Variants in PPFIA4 observed in about 807,000 individuals in gnomAD.
The protein encoded by PPFIA4 is PPFI scaffold protein A4.
A neutral mutation model predicts 145.7 loss-of-function variants in PPFIA4; 98 were observed. The ratio of observed to expected loss-of-function variants is 0.67; its 90% CI spans 0.57 to 0.80. The LOEUF (loss-of-function observed/expected upper bound fraction) is 0.80, where lower values mean the gene tolerates loss of function less well. Ranked by LOEUF, PPFIA4 falls within the 30% of genes least tolerant of loss-of-function variation. The pLI is 0.00. For synonymous variants in PPFIA4, 628 were observed against 649.6 expected (o/e 0.97, Z 0.51); for missense variants, 1,457 against 1,632.7 (o/e 0.89, Z 1.85).
rs1659827800 is a variant in PPFIA4, at chr1:203,043,294, G to A, written c.235-103G>A. The A allele has an allele frequency of 1.0e-6, 1 of 971,598 alleles. No individual in the cohort carries two copies. Among genetic ancestry groups the A allele is most frequent in the Non-Finnish European group, 1.6e-6 (1 of 632,944 alleles). The allele number at this position is 971,598 out of a possible 1,614,324, so 60.2% of individuals were successfully genotyped here. ...ATTGGGATTTTGTGGGGGAGGTGGTGGAAGTAAGGGATGGGTGAGAGGATC... is the reference window on the plus strand; with the variant it reads ...ATTGGGATTTTGTGGGGGAGGTGGTAGAAGTAAGGGATGGGTGAGAGGATC... On this transcript the variant is annotated intron_variant, in intron 2 of 29. Transcript: ENST00000295706. This position sits in a 1 kb window ranked among gnomAD's most constrained non-coding sequence, Gnocchi z 4.4.
In PPFIA4 at chr1:203,045,538, G is replaced by A. The variant is rs1468807884; in HGVS notation, c.837G>A (p.Lys279=). 1 of 1,597,474 alleles carries A rather than the reference G, an allele frequency of 6.3e-7. No homozygotes were observed. Among genetic ancestry groups the A allele is most frequent in the Non-Finnish European group, 8.5e-7 (1 of 1,172,974 alleles). ...DLIKSEELSS[K]HQRDLREALA... is the part of the protein sequence containing the mutation. ...TCAAGTCGGAGGAGCTGAGCAGCAA[G>A]CATCAGCGGGACCTCCGGGAGGTGC... The change falls in exon 7 of 30, where the codon AAG becomes AAA. Residue 279 remains lysine, a synonymous_variant. Transcript: ENST00000295706.
At chr1:203,065,066 A>C (rs1240347989) in intron 25 of PPFIA4, among the ~76,000 whole-genome samples, 1 of 152,236 alleles carries the variant, frequency 6.6e-6, no homozygotes. Context: ...GAAATCTTAT[A>C]GAAAGTTAAA....
rs1553257057 is a variant in PPFIA4 at position 203,052,047 on chromosome 1, C to CCT, written c.1620+171_1620+172insTC. ...CCATCGTCAGCTGCAACAGCTGTGC[C>CCT]CCCCCCCCCGCTTGCCTTGGCCTCC... is the stretch of plus-strand genomic sequence containing the variant. On this transcript the variant is annotated intron_variant, in intron 14 of 29. Coordinates refer to ENST00000295706, the MANE Select transcript of PPFIA4 (RefSeq NM_001304331.2). 2.2e-5 allele frequency among the ~76,000 whole-genome samples: 3 copies of CCT among 133,788 alleles called. 1 individual carries two copies. The highest frequency in any genetic ancestry group is 4.9e-5 in the Non-Finnish European group (3 of 60,724). 87.8% of individuals were successfully genotyped at this position (133,788 alleles called of 152,430 possible).
At chr1:203,069,246 T>C (rs745600440) in intron 27 of PPFIA4, among the ~76,000 whole-genome samples, 1 of 152,258 alleles carries the variant, frequency 6.6e-6, no homozygotes. Flanking sequence ...AACCTATTTA[T>C]ATTTTTGGCC....
rs748336986 is a variant in PPFIA4 at position 203,048,554 on chromosome 1, G to A, written c.1225-29G>A. On this transcript the variant is annotated intron_variant, in intron 10 of 29. Coordinates refer to ENST00000295706, the MANE Select transcript of PPFIA4 (RefSeq NM_001304331.2). This position sits in a 1 kb window ranked among gnomAD's most constrained non-coding sequence, Gnocchi z 5.8. ...AGAGGGTGGTCCTCCCTGGGAGGGC[G>A]GCCTGGTGCGAGGCAGACGGCTGTG... The A allele has an allele frequency of 2.0e-5, 31 of 1,560,974 alleles. No homozygotes were observed. Among genetic ancestry groups the A allele is most frequent in the African/African-American group, 1.4e-4 (10 of 73,436 alleles).
chr1:203,037,186 C>G (rs756907660), intron 1 of PPFIA4: 2 of 379,346 alleles, frequency 5.3e-6, no homozygotes, highest in South Asian at 3.7e-5. Context: ...CATCAGTACT[C>G]TGGGGAGGGG....
chr1:203,063,432 T>C, intron 24 of PPFIA4: 1 of 186,574 alleles, frequency 5.4e-6, no homozygotes, highest in Non-Finnish European at 1.1e-5. Context: ...GCAGGTCCTC[T>C]GTAACACAGC....
Position 203,061,423 on chromosome 1 carries a change from GC to G in PPFIA4, c.2848-227del, listed in dbSNP as rs1335718853. 7.5e-6 allele frequency: 4 copies of G among 530,564 alleles called. No homozygotes were observed. The East Asian group carries it at 1.3e-4, about 17-fold the overall frequency. The allele number at this position is 530,564 out of a possible 1,614,324, so 32.9% of individuals were successfully genotyped here. ...GGCATCTTGCCTGGCTCCCAGTCAA[GC>G]CTGGGAGGTGTGTGTTTTTGCCACA... On this transcript the variant is annotated intron_variant, in intron 23 of 29. Coordinates refer to ENST00000295706, the MANE Select transcript of PPFIA4 (RefSeq NM_001304331.2).
chr1:203,056,355 C>T lies in PPFIA4; in HGVS notation c.2107-20C>T, dbSNP rs564870018. ...CGAGATCTCTCCCTCTATCCCCTGA[C>T]GGCTCCACTGTCTGTTCAGTCGCCA... is the stretch of plus-strand genomic sequence containing the variant. On this transcript the variant is annotated intron_variant, in intron 17 of 29. Transcript: ENST00000295706. The T allele has an allele frequency of 1.5e-4, 234 of 1,612,420 alleles. 1 individual carries two copies. The highest frequency in any genetic ancestry group is 3.3e-4 in the Middle Eastern group (2 of 6,040).
rs57892403 is a variant in PPFIA4 at position 203,032,430 on chromosome 1, T to TTTTTTTTTTTTG, written c.-400+5803_-400+5804insTTTTTTTTTGTT. 8.2e-3 allele frequency among the ~76,000 whole-genome samples: 1,146 copies of TTTTTTTTTTTTG among 139,416 alleles called. 23 individuals are homozygous for TTTTTTTTTTTTG. Among genetic ancestry groups the TTTTTTTTTTTTG allele is most frequent in the African/African-American group, 0.028 (1,068 of 37,572 alleles). 91.5% of individuals were successfully genotyped at this position (139,416 alleles called of 152,430 possible). ...CTTGTAGTTCTCCCTTCCCCGCTTT[T>TTTTTTTTTTTTG]TTGTTGTTGTTGTTGTTTTTGAAAT... is the stretch of plus-strand genomic sequence containing the variant. On this transcript the variant is annotated intron_variant, in intron 1 of 29. Coordinates refer to ENST00000295706, the MANE Select transcript of PPFIA4 (RefSeq NM_001304331.2).
intron 23 of PPFIA4, 27 bp downstream of exon 23, chr1:203,061,059 C>T: frequency 6.2e-7 from 1 of 1,609,320 alleles, no homozygotes; most frequent in Non-Finnish European, 8.5e-7. Flanking sequence ...GCCTTTGTCC[C>T]TGGGCCTGGG....
rs1246616395 is a variant in PPFIA4 at position 203,060,939 on chromosome 1, A to G, written c.2785-31A>G. 5.6e-6 allele frequency: 9 copies of G among 1,611,768 alleles called. No homozygotes were observed. Among genetic ancestry groups the G allele is most frequent in the Non-Finnish European group, 7.6e-6 (9 of 1,178,218 alleles). On this transcript the variant is annotated intron_variant, in intron 22 of 29. Transcript: ENST00000295706. This position sits in a 1 kb window ranked among gnomAD's most constrained non-coding sequence, Gnocchi z 4.8. ...ATGGGGATCCTGGGGACCCACACCCAGGACCAGCTAGGTTTCCTCTCTGCC... is the reference window on the plus strand; with the variant it reads ...ATGGGGATCCTGGGGACCCACACCCGGGACCAGCTAGGTTTCCTCTCTGCC...
At chr1:203,037,074 T>A (rs1231170422) in intron 1 of PPFIA4, 7 of 242,472 alleles carry the variant, frequency 2.9e-5, no homozygotes, top group African/African-American at 1.4e-4. Flanking sequence ...GGGCTGCGAG[T>A]GTGAGCTCTG....
chr1:203,037,819 C>T (rs1174941684), intron 1 of PPFIA4, among the ~76,000 whole-genome samples: 2 of 152,170 alleles, frequency 1.3e-5, no homozygotes, highest in African/African-American at 2.4e-5. Context: ...GAGTGGCACC[C>T]TGCACCTCTA....
rs772177131 is a variant in PPFIA4 at position 203,060,982 on chromosome 1, G to A, written c.2797G>A (p.Val933Ile). The A allele has an allele frequency of 1.7e-5, 28 of 1,613,912 alleles. No individual in the cohort carries two copies. The South Asian group carries it at 2.3e-4, about 13-fold the overall frequency. ...TCTCTGCCTGCAGTCTTCTGGGAAT[G>A]TCTGGGTCACCCATGAAGAGATGGA... ...PPTSRTSSGN[V>I]WVTHEEMETL... The change falls in exon 23 of 30, where the codon GTC becomes ATC. Residue 933 changes from valine to isoleucine, a missense_variant. Val to Ile is a conservative substitution (Grantham distance 29). Transcript: ENST00000295706. This position sits in a 1 kb window ranked among gnomAD's most constrained non-coding sequence, Gnocchi z 4.8.
chr1:203,071,167 G>T (rs1446298915), intron 27 of PPFIA4, among the ~76,000 whole-genome samples: 2 of 124,134 alleles, frequency 1.6e-5, no homozygotes, highest in East Asian at 4.4e-4. Flanking sequence ...TGCCAAGACT[G>T]CTATTTTTTT....
rs3795585 is a variant in PPFIA4 at position 203,077,067 on chromosome 1, A to G, written c.*677A>G. 0.59 allele frequency: 89,432 copies of G among 152,282 alleles called. 26,318 individuals are homozygous for G. Among genetic ancestry groups the G allele is most frequent in the South Asian group, 0.63 (3,026 of 4,824 alleles). 9.4% of individuals were successfully genotyped at this position (152,282 alleles called of 1,614,324 possible). A position where few individuals can be genotyped will look rare whatever the true frequency, so the allele number is the denominator to read the frequency against. ...TGGCATAAGCTGAATCCCAAATTTG[A>G]GTTTGGGAAGAACCAGAGAGAAATG... On this transcript the variant is annotated 3_prime_UTR_variant, in exon 30 of 30. Coordinates refer to ENST00000295706, the MANE Select transcript of PPFIA4 (RefSeq NM_001304331.2).
Position 203,075,091 on chromosome 1 carries a change from G to A in PPFIA4, c.3394-486G>A, listed in dbSNP as rs148253129. 1.4e-3 allele frequency among the ~76,000 whole-genome samples: 208 copies of A among 152,270 alleles called. 1 individual carries two copies. The highest frequency in any genetic ancestry group is 6.8e-3 in the Middle Eastern group (2 of 294). On this transcript the variant is annotated intron_variant, in intron 28 of 29. Transcript: ENST00000295706. The surrounding 1 kb of genome is among the most constrained non-coding windows in gnomAD (Gnocchi z 4.1). The stretch of plus-strand genomic sequence containing the variant: ...CATAGCCAGTAAAATGGCAGAGCCA[G>A]GATTAGAAGCCAGGTGTCTGACTCC...
At chr1:203,074,959 C>T (rs985768110) in intron 28 of PPFIA4, among the ~76,000 whole-genome samples, 21 of 152,192 alleles carry the variant, frequency 1.4e-4, no homozygotes, top group African/African-American at 5.1e-4. Flanking sequence ...CATCTGATCC[C>T]ATTAGTGGTA....
Sources: allele counts gnomAD v4.1 joint callset (sites outside exome capture counted in the v4.1 genomes callset), GRCh38; gene constraint gnomAD v4.1.1; non-coding constraint Gnocchi (gnomAD v3.1); transcripts MANE v1.5; gene names NCBI Gene and HGNC (gene_info 2026-07-23, HGNC 2026-07-21).